Variants in NELL1 observed in about 807,000 individuals in gnomAD.
NELL1 encodes the protein neural EGFL like 1, also known as protein kinase C-binding protein NELL1.
A neutral mutation model predicts 107.4 loss-of-function variants in NELL1; 76 were observed. That is an observed-to-expected ratio of 0.71 (90% CI 0.59 to 0.86). The LOEUF (loss-of-function observed/expected upper bound fraction) is 0.86, where lower values mean the gene tolerates loss of function less well. Ranked by LOEUF, NELL1 falls within the 40% of genes least tolerant of loss-of-function variation. The pLI, the probability that NELL1 is intolerant of heterozygous loss-of-function variation, is 0.00. For missense variants in NELL1, 1,024 were observed against 1,005.5 expected (o/e 1.02, Z -0.25); for synonymous variants, 353 against 341.2 (o/e 1.03, Z -0.38).
At chr11:21,334,089 T>C (rs2133690270) in intron 14 of NELL1, among the ~76,000 whole-genome samples, 2 of 152,222 alleles carry the variant, frequency 1.3e-5, no homozygotes, top group South Asian at 4.1e-4. Context: ...TCTTAAGCAC[T>C]GTGTTTGGTA....
intron 4 of NELL1, among the ~76,000 whole-genome samples, chr11:20,863,574 ACTTCT>A (rs1849032388): frequency 1.3e-5 from 2 of 150,604 alleles, no homozygotes; most frequent in South Asian, 4.2e-4. Context: ...GACGCTCCTC[ACTTCT>A]CAGACGGGAT....
intron 10 of NELL1, among the ~76,000 whole-genome samples, chr11:20,938,812 A>T (rs1275788323): frequency 2.6e-5 from 4 of 152,048 alleles, no homozygotes; most frequent in African/African-American, 9.7e-5. Context: ...ATGAGAGATG[A>T]ACCTGGACAG....
At position 21,078,670 on chromosome 11, in the gene NELL1, A is replaced by G. The variant is rs138187668; in HGVS notation, c.1301-34919A>G. ...CACACAGAGATACACACATATATAC[A>G]TGCATACTGCATGGGTATGTGTGTA... On this transcript the variant is annotated intron_variant, in intron 12 of 19. Coordinates refer to ENST00000357134, the MANE Select transcript of NELL1 (RefSeq NM_006157.5). 2.8e-3 allele frequency among the ~76,000 whole-genome samples: 432 copies of G among 152,252 alleles called. 4 individuals are homozygous for G. Among genetic ancestry groups the G allele is most frequent in the African/African-American group, 0.01 (424 of 41,584 alleles).
At chr11:21,124,030 A>C (rs1855431801) in intron 13 of NELL1, among the ~76,000 whole-genome samples, 1 of 152,172 alleles carries the variant, frequency 6.6e-6, no homozygotes, top group Admixed American at 6.5e-5. Flanking sequence ...AAACACAGAC[A>C]GGAAATATCC....
chr11:21,411,042 C>T (rs554512881), intron 15 of NELL1, among the ~76,000 whole-genome samples: 1 of 152,086 alleles, frequency 6.6e-6, no homozygotes, highest in African/African-American at 2.4e-5. Flanking sequence ...AGTCAGATTC[C>T]ACAAGTTCAA....
At chr11:21,392,627 T>C (rs540168630) in intron 15 of NELL1, among the ~76,000 whole-genome samples, 1 of 151,738 alleles carries the variant, frequency 6.6e-6, no homozygotes, top group Non-Finnish European at 1.5e-5. Flanking sequence ...ACTGTTTCTT[T>C]CCCATAGATA....
intron 15 of NELL1, among the ~76,000 whole-genome samples, chr11:21,404,820 G>C (rs112367556): frequency 6.6e-6 from 1 of 151,956 alleles, no homozygotes; most frequent in Non-Finnish European, 1.5e-5. Flanking sequence ...CTGTACCTAG[G>C]TCTCCTGAAT....
At chr11:21,207,693 T>C (rs1857418207) in intron 13 of NELL1, among the ~76,000 whole-genome samples, 1 of 152,152 alleles carries the variant, frequency 6.6e-6, no homozygotes, top group South Asian at 2.1e-4. Flanking sequence ...AACAAAAGAC[T>C]AAGCCAACTA....
chr11:20,949,897 T>C (rs1482496459), intron 11 of NELL1, among the ~76,000 whole-genome samples: 1 of 152,188 alleles, frequency 6.6e-6, no homozygotes, highest in East Asian at 1.9e-4. Context: ...ACCAGTTCCT[T>C]CTCAGCCAGG....
At chr11:20,678,181 C>G (rs1241449569) in intron 2 of NELL1, 121 bp downstream of exon 2, 2 of 1,155,716 alleles carry the variant, frequency 1.7e-6, no homozygotes, top group Admixed American at 3.5e-5. Context: ...GTGTTGCTGT[C>G]TTGAGTGTTT....
chr11:20,737,469 C>G (rs995981844), intron 2 of NELL1, among the ~76,000 whole-genome samples: 10 of 151,988 alleles, frequency 6.6e-5, no homozygotes, highest in Admixed American at 4.6e-4. Context: ...TCCATGAATA[C>G]ATGATAATGC....
At chr11:20,691,514 AG>A (rs893141297) in intron 2 of NELL1, among the ~76,000 whole-genome samples, 24 of 152,230 alleles carry the variant, frequency 1.6e-4, no homozygotes, top group African/African-American at 5.5e-4. Flanking sequence ...ATTTTGTTGA[AG>A]GCCTTTTTTG....
intron 15 of NELL1, among the ~76,000 whole-genome samples, chr11:21,422,855 T>A (rs1180279891): frequency 6.6e-6 from 1 of 152,156 alleles, no homozygotes; most frequent in Non-Finnish European, 1.5e-5. Context: ...ACATTGAATG[T>A]AACTAGATTA....
intron 15 of NELL1, among the ~76,000 whole-genome samples, chr11:21,422,723 A>T (rs1236747430): frequency 1.3e-5 from 2 of 152,168 alleles, no homozygotes; most frequent in Non-Finnish European, 2.9e-5. Context: ...AATACCCTAA[A>T]CTACAAAAAG....
intron 12 of NELL1, among the ~76,000 whole-genome samples, chr11:20,968,255 A>C (rs560979894): frequency 6.6e-6 from 1 of 152,202 alleles, no homozygotes; most frequent in Non-Finnish European, 1.5e-5. Flanking sequence ...CCTTTGGAAT[A>C]TAAACTGCAT....
intron 9 of NELL1, among the ~76,000 whole-genome samples, chr11:20,930,195 A>G (rs1486439840): frequency 6.6e-6 from 1 of 152,144 alleles, no homozygotes; most frequent in African/African-American, 2.4e-5. Flanking sequence ...CATTTTGAAA[A>G]CACAGAGAAT....
intron 16 of NELL1, among the ~76,000 whole-genome samples, chr11:21,551,850 C>T (rs557413875): frequency 4.8e-4 from 73 of 150,604 alleles, no homozygotes; most frequent in African/African-American, 1.5e-3. Context: ...ATGTTTATTG[C>T]GGCACTATTC....
At chr11:20,959,403 G>A (rs1833394864) in intron 11 of NELL1, among the ~76,000 whole-genome samples, 1 of 152,152 alleles carries the variant, frequency 6.6e-6, no homozygotes, top group Non-Finnish European at 1.5e-5. Flanking sequence ...ATTCACAATT[G>A]CAAAGACATG....
chr11:21,466,386 C>G lies in NELL1; in HGVS notation c.1646-67988C>G, dbSNP rs768425061. ...AGCTACCAGCACAAGGAGCAGAGTT[C>G]TCTGGCTAAGCCAGCAGTCTGTCAC... On this transcript the variant is annotated intron_variant, in intron 15 of 19. Coordinates refer to ENST00000357134, the MANE Select transcript of NELL1 (RefSeq NM_006157.5). Among the ~76,000 whole-genome samples the G allele has an allele frequency of 2.0e-5, 3 of 152,232 alleles. No homozygotes were observed. The South Asian group carries it at 6.2e-4, about 32-fold the overall frequency.
Sources: allele counts gnomAD v4.1 joint callset (sites outside exome capture counted in the v4.1 genomes callset), GRCh38; gene constraint gnomAD v4.1.1; transcripts MANE v1.5; gene names NCBI Gene and HGNC (gene_info 2026-07-23, HGNC 2026-07-21).